The following MBNL1 variants were observed in gnomAD, a reference collection of about 807,000 sequenced individuals.
MBNL1 encodes the protein muscleblind-like protein 1.
A neutral mutation model predicts 42.2 loss-of-function variants in MBNL1; 8 were observed. That is an observed-to-expected ratio of 0.19 (90% CI 0.11 to 0.34). The LOEUF (loss-of-function observed/expected upper bound fraction) is 0.34, where lower values mean the gene tolerates loss of function less well. MBNL1 is among the 10% of genes least tolerant of loss of function. MBNL1 has a pLI of 1.00. For synonymous variants in MBNL1, 169 were observed against 173.9 expected (o/e 0.97, Z 0.22); for missense variants, 309 against 495.3 (o/e 0.62, Z 3.57).
Position 152,447,741 on chromosome 3 carries a change from A to C in MBNL1, c.929A>C (p.Gln310Pro). Residue 310 changes from glutamine to proline, a missense_variant, in exon 6 of 10, where the codon CAG (glutamine) becomes CCG (proline). Coordinates refer to ENST00000324210, the MANE Select transcript of MBNL1 (RefSeq NM_021038.5). ...TACCAACAGGCTCTAGCCAACATGC[A>C]GTTACAACAGCATACAGCATTTCTC... is the stretch of plus-strand genomic sequence containing the variant. ...FQYQQALANM[Q>P]LQQHTAFLPP... 4 of 1,613,674 alleles carry C rather than the reference A, an allele frequency of 2.5e-6. No individual in the cohort carries two copies. Among genetic ancestry groups the C allele is most frequent in the Non-Finnish European group, 2.5e-6 (3 of 1,179,612 alleles).
At chr3:152,297,490 C>T (rs1245279272) in intron 1 of MBNL1, among the ~76,000 whole-genome samples, 1 of 151,712 alleles carries the variant, frequency 6.6e-6, no homozygotes, top group Non-Finnish European at 1.5e-5. Flanking sequence ...GCTGGGATTA[C>T]AGGTGCCTGC....
intron 2 of MBNL1, among the ~76,000 whole-genome samples, chr3:152,379,339 A>T (rs1485599449): frequency 6.6e-6 from 1 of 152,234 alleles, no homozygotes; most frequent in African/African-American, 2.4e-5. Flanking sequence ...TGGTGATTAC[A>T]GCATTTTCCC....
chr3:152,307,417 C>T (rs1322092126), intron 2 of MBNL1, among the ~76,000 whole-genome samples: 3 of 152,190 alleles, frequency 2.0e-5, no homozygotes, highest in Non-Finnish European at 4.4e-5. Flanking sequence ...TGTATTTCTG[C>T]TGCTTCCACA....
chr3:152,441,670 A>G (rs2099147142), intron 4 of MBNL1, among the ~76,000 whole-genome samples: 1 of 152,230 alleles, frequency 6.6e-6, no homozygotes, highest in Non-Finnish European at 1.5e-5. Context: ...TTTTCAGTGA[A>G]TATCTTCATT....
intron 6 of MBNL1, among the ~76,000 whole-genome samples, chr3:152,451,527 A>G (rs969807202): frequency 6.6e-6 from 1 of 152,044 alleles, no homozygotes; most frequent in Non-Finnish European, 1.5e-5. Flanking sequence ...TATTCAGTCA[A>G]TAAACATTGA....
At chr3:152,408,510 A>T (rs530462118) in intron 2 of MBNL1, among the ~76,000 whole-genome samples, 2 of 152,156 alleles carry the variant, frequency 1.3e-5, no homozygotes, top group Admixed American at 6.6e-5. Flanking sequence ...TTTGTAATAC[A>T]TATGCTGCTG....
At chr3:152,390,056 G>A (rs1414803628) in intron 2 of MBNL1, among the ~76,000 whole-genome samples, 2 of 151,366 alleles carry the variant, frequency 1.3e-5, no homozygotes, top group African/African-American at 2.4e-5. Context: ...TTTTAGTAGA[G>A]ACGGGGTTTC....
intron 2 of MBNL1, among the ~76,000 whole-genome samples, chr3:152,260,423 A>G (rs1378957082): frequency 6.6e-6 from 1 of 152,198 alleles, no homozygotes; most frequent in East Asian, 1.9e-4. Flanking sequence ...GTTTCAAGTG[A>G]GGTATGTTCT....
chr3:152,439,376 T>C (rs1197522228), intron 4 of MBNL1, among the ~76,000 whole-genome samples: 1 of 152,220 alleles, frequency 6.6e-6, no homozygotes, highest in African/African-American at 2.4e-5. Context: ...AGACTTTCTA[T>C]TCAGAAAAGA....
chr3:152,360,223 CCCT>C (rs2095835338), intron 2 of MBNL1, among the ~76,000 whole-genome samples: 2 of 152,048 alleles, frequency 1.3e-5, no homozygotes, highest in African/African-American at 4.8e-5. Flanking sequence ...TGTCGTTTTT[CCCT>C]CCTCCAATAA....
chr3:152,345,593 G>C (rs1157844210), intron 2 of MBNL1, among the ~76,000 whole-genome samples: 1 of 152,126 alleles, frequency 6.6e-6, no homozygotes, highest in Non-Finnish European at 1.5e-5. Flanking sequence ...TTTTTATTTA[G>C]AGAGAGAGAC....
At chr3:152,351,161 C>T (rs754874963) in intron 2 of MBNL1, among the ~76,000 whole-genome samples, 1 of 151,584 alleles carries the variant, frequency 6.6e-6, no homozygotes, top group Non-Finnish European at 1.5e-5. Context: ...ATATCCAAAG[C>T]CAGATAGAAG....
intron 2 of MBNL1, among the ~76,000 whole-genome samples, chr3:152,375,781 T>A (rs2096872234): frequency 6.6e-6 from 1 of 151,170 alleles, no homozygotes; most frequent in Non-Finnish European, 1.5e-5. Flanking sequence ...ATTGCTCTGC[T>A]ACACTCCAGC....
chr3:152,357,953 A>G (rs1383080173), intron 2 of MBNL1, among the ~76,000 whole-genome samples: 1 of 152,106 alleles, frequency 6.6e-6, no homozygotes, highest in Admixed American at 6.6e-5. Context: ...GGGTCCATGG[A>G]GCAGAACACA....
intron 4 of MBNL1, among the ~76,000 whole-genome samples, chr3:152,437,339 T>C (rs961633582): frequency 6.6e-6 from 1 of 152,204 alleles, no homozygotes; most frequent in Non-Finnish European, 1.5e-5. Flanking sequence ...TCTTACATAA[T>C]TGCTTAAAAC....
chr3:152,373,064 C>T (rs1205536016), intron 2 of MBNL1, among the ~76,000 whole-genome samples: 1 of 152,056 alleles, frequency 6.6e-6, no homozygotes, highest in South Asian at 2.1e-4. Flanking sequence ...GGGCTCTGCC[C>T]AATTCGAACT....
chr3:152,309,462 ATC>A (rs1243804200), intron 2 of MBNL1, among the ~76,000 whole-genome samples: 2 of 152,246 alleles, frequency 1.3e-5, no homozygotes, highest in Non-Finnish European at 2.9e-5. Flanking sequence ...GTTAGAATTT[ATC>A]TCTCTGCATA....
At chr3:152,282,958 A>G (rs1380534891) in intron 1 of MBNL1, among the ~76,000 whole-genome samples, 2 of 152,344 alleles carry the variant, frequency 1.3e-5, no homozygotes, top group South Asian at 2.1e-4. Flanking sequence ...GCCACTCACT[A>G]TGCAGAATGC....
chr3:152,462,222 A>G (rs1560706849), intron 9 of MBNL1, among the ~76,000 whole-genome samples, 163 bp from the exon 10 acceptor site: 1 of 152,158 alleles, frequency 6.6e-6, no homozygotes, highest in Non-Finnish European at 1.5e-5. Flanking sequence ...TGATAGACAA[A>G]TTTTGATCTG....
Sources: gnomAD v4.1 joint callset for allele counts (sites outside exome capture counted in the v4.1 genomes callset) on GRCh38, gnomAD v4.1.1 for gene constraint, MANE v1.5 for transcripts, NCBI Gene and HGNC (gene_info 2026-07-23, HGNC 2026-07-21) for gene names.